SPEF2: variants seen among roughly 807,000 people sequenced by gnomAD.
SPEF2 encodes the protein sperm flagellar and cilia associated 2.
In SPEF2, 187 loss-of-function variants were observed where a neutral mutation model predicts 224.6. The observed-to-expected ratio is 0.83, with a 90% confidence interval of 0.74 to 0.94. The LOEUF (loss-of-function observed/expected upper bound fraction) is 0.94, where lower values mean the gene tolerates loss of function less well. Ranked by LOEUF, SPEF2 falls within the 40% of genes least tolerant of loss-of-function variation. The pLI is 0.00. For missense variants in SPEF2, 2,170 were observed against 2,135.6 expected, an observed-to-expected ratio of 1.02 and a Z score of -0.32; for synonymous variants, 715 against 707.3, an observed-to-expected ratio of 1.01 and a Z score of -0.17.
intron 4 of SPEF2, 151 bp from the exon 5 acceptor site, chr5:35,646,516 A>C: frequency 1.6e-6 from 1 of 607,466 alleles, no homozygotes; most frequent in Non-Finnish European, 2.8e-6. Context: ...CTCCTTCTTA[A>C]TATTACACAG....
chr5:35,670,991 A>G, intron 10 of SPEF2: 1 of 985,352 alleles, frequency 1.0e-6, no homozygotes, highest in Non-Finnish European at 1.2e-6. Flanking sequence ...ATCCCACTCC[A>G]TCTCACCCTT....
At chr5:35,803,689 C>T (rs1365977092) in intron 34 of SPEF2, among the ~76,000 whole-genome samples, 1 of 152,198 alleles carries the variant, frequency 6.6e-6, no homozygotes, top group African/African-American at 2.4e-5. Context: ...TTCCAGTTTC[C>T]TGGGCAACCC....
At chr5:35,681,806 A>G (rs1046441960) in intron 10 of SPEF2, among the ~76,000 whole-genome samples, 6 of 152,142 alleles carry the variant, frequency 3.9e-5, no homozygotes, top group Admixed American at 2.0e-4. Context: ...TTTGAAAGCC[A>G]CTATCTTAGA....
intron 23 of SPEF2, among the ~76,000 whole-genome samples, 173 bp downstream of exon 23, chr5:35,740,440 T>C (rs557105343): frequency 2.4e-4 from 37 of 152,284 alleles, no homozygotes; most frequent in African/African-American, 8.9e-4. Context: ...ACTTTGAGTT[T>C]AGAATGAGAA....
chr5:35,667,261 T>A lies in SPEF2; in HGVS notation c.1355+2T>A. On this transcript the variant is annotated splice_donor_variant, in intron 9 of 36. Coordinates refer to ENST00000356031, the MANE Select transcript of SPEF2 (RefSeq NM_024867.4). LOFTEE classifies it high-confidence loss of function. ...AGACTATCGAATGTTGACAAATAAG[T>A]AAGTATTTTTTTTGTAATAACAGTA... 6.3e-7 allele frequency: 1 copy of A among 1,591,694 alleles called. No individual in the cohort carries two copies. The highest frequency in any genetic ancestry group is 8.6e-7 in the Non-Finnish European group (1 of 1,167,468).
Position 35,738,201 on chromosome 5 carries a change from G to A in SPEF2, c.3064-1718G>A, listed in dbSNP as rs112673275. Among the ~76,000 whole-genome samples the A allele has an allele frequency of 4.3e-3, 651 of 152,152 alleles. 11 individuals are homozygous for A. Among genetic ancestry groups the A allele is most frequent in the African/African-American group, 0.015 (617 of 41,494 alleles). Reference sequence around the variant, plus strand: ...CTGATGTAGTTTCTTTTGCTCTGCCGAAGCTCTTTAGTTTAATTAGATCCC... The same window carrying A: ...CTGATGTAGTTTCTTTTGCTCTGCCAAAGCTCTTTAGTTTAATTAGATCCC... On this transcript the variant is annotated intron_variant, in intron 21 of 36. Transcript: ENST00000356031.
chr5:35,726,523 T>TA (rs1180720986), intron 20 of SPEF2, among the ~76,000 whole-genome samples: 1 of 152,196 alleles, frequency 6.6e-6, no homozygotes, highest in Non-Finnish European at 1.5e-5. Flanking sequence ...GATACTGTTT[T>TA]TAAATATATA....
In SPEF2 at chr5:35,800,026, A is replaced by G; in HGVS notation, c.4889A>G (p.Gln1630Arg). The change falls in exon 34 of 37, where the codon CAG (glutamine) becomes CGG (arginine). Residue 1630 changes from glutamine to arginine, a missense_variant. Gln to Arg is a conservative substitution (Grantham distance 43). Transcript: ENST00000356031. Reference sequence around the variant, plus strand: ...GATCCACCCCAGCTTGACTACACACAGATGCTGCTTTACTTTGCTTGCCAC... The same window carrying G: ...GATCCACCCCAGCTTGACTACACACGGATGCTGCTTTACTTTGCTTGCCAC... ...EKDPPQLDYT[Q>R]MLLYFACHPD... The G allele has an allele frequency of 6.2e-7, 1 of 1,614,162 alleles. No homozygotes were observed. Among genetic ancestry groups the G allele is most frequent in the Non-Finnish European group, 8.5e-7 (1 of 1,180,022 alleles).
At chr5:35,769,259 G>A (rs1211971801) in intron 26 of SPEF2, among the ~76,000 whole-genome samples, 1 of 152,044 alleles carries the variant, frequency 6.6e-6, no homozygotes, top group Non-Finnish European at 1.5e-5. Flanking sequence ...TGCAGGAACC[G>A]ATTAAAAATT....
chr5:35,722,455 G>GT (rs34105107), intron 20 of SPEF2, among the ~76,000 whole-genome samples: 10 of 148,914 alleles, frequency 6.7e-5, no homozygotes, highest in African/African-American at 1.5e-4. Flanking sequence ...ACAGTGAGAG[G>GT]TTTTTTTTTG....
chr5:35,697,336 G>A (rs1044483937), intron 14 of SPEF2, among the ~76,000 whole-genome samples: 4 of 152,190 alleles, frequency 2.6e-5, no homozygotes, highest in African/African-American at 9.6e-5. Flanking sequence ...CTGGTCAAGG[G>A]CCATGTTTAT....
intron 34 of SPEF2, among the ~76,000 whole-genome samples, chr5:35,804,809 G>T (rs1390839461): frequency 6.6e-6 from 1 of 152,148 alleles, no homozygotes; most frequent in Non-Finnish European, 1.5e-5. Context: ...GAGAGCCCAG[G>T]TTCCTTCTTT....
At chr5:35,739,698 G>T (rs1427943944) in intron 21 of SPEF2, among the ~76,000 whole-genome samples, 1 of 152,056 alleles carries the variant, frequency 6.6e-6, no homozygotes, top group Admixed American at 6.6e-5. Context: ...CCAATTTCTG[G>T]AATAAATAAT....
intron 30 of SPEF2, chr5:35,781,739 T>A (rs1488284429): frequency 6.6e-6 from 1 of 152,222 alleles, no homozygotes; most frequent in Non-Finnish European, 1.5e-5. Flanking sequence ...TTAAACTCTT[T>A]TCTCTATTAG....
At chr5:35,707,237 G>A (rs938961588) in intron 18 of SPEF2, among the ~76,000 whole-genome samples, 3 of 152,192 alleles carry the variant, frequency 2.0e-5, no homozygotes, top group African/African-American at 4.8e-5. Flanking sequence ...GGTTACATAT[G>A]AAATAGTCTC....
chr5:35,761,484 T>C lies in SPEF2; in HGVS notation c.3620+1765T>C, dbSNP rs188492023. Among the ~76,000 whole-genome samples the C allele has an allele frequency of 3.0e-3, 464 of 152,314 alleles. 3 individuals carry two copies. Among genetic ancestry groups the C allele is most frequent in the South Asian group, 0.011 (55 of 4,820 alleles). ...CCCTTGTTCCAAAAAGAATTTGAGA[T>C]GGCCTGAACACATTATTTTATGCAG... On this transcript the variant is annotated intron_variant, in intron 25 of 36. Transcript: ENST00000356031.
At chr5:35,710,070 C>A (rs1213272168) in intron 19 of SPEF2, 1 of 984,056 alleles carries the variant, frequency 1.0e-6, no homozygotes, top group Non-Finnish European at 1.2e-6. Flanking sequence ...ATATTAAAGA[C>A]CATTCTGCTC....
At chr5:35,696,966 T>C (rs187205564) in intron 14 of SPEF2, among the ~76,000 whole-genome samples, 7 of 152,108 alleles carry the variant, frequency 4.6e-5, no homozygotes, top group Non-Finnish European at 1.0e-4. Context: ...GAGTATTTAG[T>C]AAGGGATGAG....
intron 24 of SPEF2, among the ~76,000 whole-genome samples, chr5:35,754,937 A>G (rs1459287012): frequency 6.6e-6 from 1 of 152,274 alleles, no homozygotes. Context: ...TCTTTTCATC[A>G]AAGGACCAAT....
Sources: gnomAD v4.1 joint callset for allele counts (sites outside exome capture counted in the v4.1 genomes callset) on GRCh38, gnomAD v4.1.1 for gene constraint, MANE v1.5 for transcripts, NCBI Gene and HGNC (gene_info 2026-07-23, HGNC 2026-07-21) for gene names.